GABRR2: variants seen among roughly 807,000 people sequenced by gnomAD.
GABRR2 encodes the protein gamma-aminobutyric acid type A receptor subunit rho2, also known as gamma-aminobutyric acid receptor subunit rho-2.
GABRR2 carries 36 observed loss-of-function variants against 47.0 expected under a neutral mutation model. The observed-to-expected ratio is 0.77, with a 90% CI of 0.59 to 1.01. The LOEUF is 1.01. Ranked by LOEUF, GABRR2 falls within the 50% of genes least tolerant of loss-of-function variation. The probability of loss-of-function intolerance (pLI) is 0.00; values close to 1 mark genes in which losing one functional copy is unlikely to be tolerated. For missense variants in GABRR2, 587 were observed against 594.6 expected (o/e 0.99, Z 0.13); for synonymous variants, 204 against 227.5 (o/e 0.90, Z 0.93).
intron 2 of GABRR2, among the ~76,000 whole-genome samples, chr6:89,298,073 C>T (rs1413433649): frequency 2.0e-5 from 3 of 152,138 alleles, no homozygotes; most frequent in Non-Finnish European, 4.4e-5. Flanking sequence ...TTGCCCATGA[C>T]GAATCCCCGA....
At chr6:89,295,506 C>A (rs1026904144) in intron 2 of GABRR2, among the ~76,000 whole-genome samples, 1 of 151,970 alleles carries the variant, frequency 6.6e-6, no homozygotes. Context: ...TGTTTGAGTT[C>A]ATTGTAGATT....
At chr6:89,280,016 C>G (rs1375591329) in intron 2 of GABRR2, among the ~76,000 whole-genome samples, 1 of 151,862 alleles carries the variant, frequency 6.6e-6, no homozygotes, top group Non-Finnish European at 1.5e-5. Flanking sequence ...TAGAGACTAG[C>G]CTGGCCAACA....
At chr6:89,287,895 C>T (rs1774358698) in intron 2 of GABRR2, among the ~76,000 whole-genome samples, 1 of 152,172 alleles carries the variant, frequency 6.6e-6, no homozygotes, top group Admixed American at 6.5e-5. Flanking sequence ...CTTAGAACTC[C>T]CCTCTGAACA....
intron 7 of GABRR2, 109 bp downstream of exon 7, chr6:89,265,504 C>G: frequency 8.0e-7 from 1 of 1,251,024 alleles, no homozygotes; most frequent in Non-Finnish European, 1.1e-6. Context: ...CCTTCTGACT[C>G]TAACAGCTCA....
intron 1 of GABRR2, chr6:89,302,851 T>C: frequency 7.5e-7 from 1 of 1,334,958 alleles, no homozygotes; most frequent in Non-Finnish European, 1.0e-6. Context: ...AGCCTCAAGA[T>C]GTCTTCCACC....
chr6:89,311,094 G>A (rs968565935), intron 1 of GABRR2, among the ~76,000 whole-genome samples: 3 of 152,182 alleles, frequency 2.0e-5, no homozygotes, highest in Admixed American at 2.0e-4. Context: ...TTGCCTCCAG[G>A]AGTCAAGTGG....
intron 1 of GABRR2, among the ~76,000 whole-genome samples, chr6:89,312,987 G>A (rs1312492980): frequency 4.6e-5 from 7 of 152,200 alleles, no homozygotes; most frequent in African/African-American, 1.2e-4. Context: ...AAAGTGAGAC[G>A]GAGGTGCCGC....
chr6:89,270,684 G>A (rs1774030854), intron 3 of GABRR2, among the ~76,000 whole-genome samples: 1 of 152,190 alleles, frequency 6.6e-6, no homozygotes, highest in South Asian at 2.1e-4. Context: ...GGAGCAAGGG[G>A]CGTTCCCACT....
intron 2 of GABRR2, among the ~76,000 whole-genome samples, chr6:89,286,654 G>A (rs999255684): frequency 6.6e-6 from 1 of 151,980 alleles, no homozygotes. Context: ...TCAGGAGCAT[G>A]GTGACCTCGA....
intron 1 of GABRR2, among the ~76,000 whole-genome samples, chr6:89,300,174 AT>A (rs1774642070): frequency 6.6e-6 from 1 of 152,196 alleles, no homozygotes; most frequent in Non-Finnish European, 1.5e-5. Context: ...AGCTAGACTA[AT>A]AAAGAAGAAA....
intron 2 of GABRR2, among the ~76,000 whole-genome samples, chr6:89,285,577 C>A (rs772530170): frequency 2.6e-5 from 4 of 151,956 alleles, no homozygotes; most frequent in Non-Finnish European, 5.9e-5. Context: ...ATTCTTCGGC[C>A]GCTCCTCCCC....
At chr6:89,278,154 A>C (rs764854747) in intron 2 of GABRR2, among the ~76,000 whole-genome samples, 4 of 152,202 alleles carry the variant, frequency 2.6e-5, no homozygotes, top group Non-Finnish European at 5.9e-5. Context: ...CTTATGGATG[A>C]ATATGTACGG....
rs1384753324 is a variant in GABRR2 at position 89,255,239 on chromosome 6, C to A, written c.*2431G>T. Among the ~76,000 whole-genome samples, 9 of 152,028 alleles carry A rather than the reference C, an allele frequency of 5.9e-5. No homozygotes were observed. Among genetic ancestry groups the A allele is most frequent in the Admixed American group, 3.3e-4 (5 of 15,266 alleles). ...ATCACCTGAGGTCAGGAGTTCAAGA[C>A]CAGGCTGACTAACATGGAGAAACCC... On this transcript the variant is annotated 3_prime_UTR_variant, in exon 9 of 9. Transcript: ENST00000402938.
At chr6:89,303,513 C>T (rs1767497455) in intron 1 of GABRR2, among the ~76,000 whole-genome samples, 1 of 151,896 alleles carries the variant, frequency 6.6e-6, no homozygotes, top group Non-Finnish European at 1.5e-5. Context: ...GTCATACTGC[C>T]TAAAACAATT....
At chr6:89,269,906 A>C (rs1157965038) in intron 3 of GABRR2, among the ~76,000 whole-genome samples, 2 of 152,168 alleles carry the variant, frequency 1.3e-5, no homozygotes, top group Non-Finnish European at 2.9e-5. Flanking sequence ...ATTCCTTAAG[A>C]GTTTGGTCCT....
chr6:89,265,722 GT>G lies in GABRR2; in HGVS notation c.779del (p.His260ProfsTer15). ...RLYINFTLRR[H>X]IFFFLLQTYF... Reference sequence around the variant, plus strand: ...ATGTTTGGAGCAAGAAGAAGAAGATGTGGCGACGCAACGTGAAGTTAATGTA... The same window carrying G: ...ATGTTTGGAGCAAGAAGAAGAAGATGGGCGACGCAACGTGAAGTTAATGTA... On this transcript the variant is annotated frameshift_variant, in exon 7 of 9. Coordinates refer to ENST00000402938, the MANE Select transcript of GABRR2 (RefSeq NM_002043.5). LOFTEE classifies it high-confidence loss of function. The G allele has an allele frequency of 6.2e-7, 1 of 1,614,098 alleles. No individual in the cohort carries two copies. The highest frequency in any genetic ancestry group is 1.1e-5 in the South Asian group (1 of 91,076).
At position 89,269,222 on chromosome 6, in the gene GABRR2, T is replaced by A; in HGVS notation, c.301A>T (p.Thr101Ser). 1.9e-6 allele frequency: 3 copies of A among 1,613,840 alleles called. No homozygotes were observed. The highest frequency in any genetic ancestry group is 2.5e-6 in the Non-Finnish European group (3 of 1,179,848). ...ISEVDMDFTM[T>S]LYLRHYWKDE... ...TTCCAGTAATGCCGCAGGTACAGGG[T>A]CATAGTGAAGTCCTGTGGGAGCCGG... The change falls in exon 4 of 9, where the codon ACC becomes TCC. Residue 101 changes from threonine to serine, a missense_variant. By Grantham distance (58) the Thr-to-Ser change is moderately conservative. Transcript: ENST00000402938.
At chr6:89,306,119 G>A (rs1472406387) in intron 1 of GABRR2, among the ~76,000 whole-genome samples, 1 of 150,558 alleles carries the variant, frequency 6.6e-6, no homozygotes, top group African/African-American at 2.4e-5. Flanking sequence ...GCTCACATCT[G>A]TATTCCTATC....
At chr6:89,307,035 C>T (rs559430618) in intron 1 of GABRR2, among the ~76,000 whole-genome samples, 23 of 152,274 alleles carry the variant, frequency 1.5e-4, no homozygotes, top group African/African-American at 5.1e-4. Context: ...GCACAATGCC[C>T]GGCATGTAGC....
Sources: allele counts gnomAD v4.1 joint callset (sites outside exome capture counted in the v4.1 genomes callset), GRCh38; gene constraint gnomAD v4.1.1; transcripts MANE v1.5; gene names NCBI Gene and HGNC (gene_info 2026-07-23, HGNC 2026-07-21).